Variants in PC observed in about 807,000 individuals in gnomAD.
PC encodes pyruvate carboxylase, mitochondrial.
In PC, 46 loss-of-function variants were observed where a neutral mutation model predicts 107.8. The observed-to-expected ratio is 0.43, with a 90% CI of 0.34 to 0.55. PC has a LOEUF of 0.55. Ranked by LOEUF, PC falls within the 20% of genes least tolerant of loss-of-function variation. The pLI, the probability that PC is intolerant of heterozygous loss-of-function variation, is 0.04. For missense variants in PC, 1,241 were observed against 1,643.1 expected, an observed-to-expected ratio of 0.76 and a Z score of 4.23; for synonymous variants, 662 against 684.7, an observed-to-expected ratio of 0.97 and a Z score of 0.52.
At chr11:66,873,734 T>C (rs1946873761) in intron 3 of PC, among the ~76,000 whole-genome samples, 1 of 149,982 alleles carries the variant, frequency 6.7e-6, no homozygotes, top group Non-Finnish European at 1.5e-5. Flanking sequence ...CACACTCTTT[T>C]CACCCCTGCA....
intron 11 of PC, among the ~76,000 whole-genome samples, chr11:66,864,385 G>C (rs1946405225): frequency 6.6e-6 from 1 of 152,238 alleles, no homozygotes; most frequent in South Asian, 2.1e-4. Flanking sequence ...AAAGGGCCTC[G>C]CCGTGGGCTC....
Position 66,849,271 on chromosome 11 carries a change from G to A in PC, c.3247C>T (p.Gln1083Ter). The A allele has an allele frequency of 6.2e-7, 1 of 1,613,636 alleles. No homozygotes were observed. Among genetic ancestry groups the A allele is most frequent in the Non-Finnish European group, 8.5e-7 (1 of 1,180,036 alleles). ...QRQVFFELNG[Q>*]LRSILVKDTQ... ...TCCTTGACCAAGATGGACCGCAGCT[G>A]CCCATTGAGCTCAAAGAAGACCTGC... Residue 1083 changes from glutamine (Q) to a stop codon, truncating the protein, a stop_gained, in exon 22 of 23, where the codon CAG becomes TAG. Coordinates refer to ENST00000393960, the MANE Select transcript of PC (RefSeq NM_001040716.2). LOFTEE classifies it high-confidence loss of function.
In PC at chr11:66,857,711, C is replaced by T. The variant is rs1487422029; in HGVS notation, c.1369-4328G>A. 1.9e-6 allele frequency: 3 copies of T among 1,565,684 alleles called. No individual in the cohort carries two copies. The African/African-American group carries it at 4.0e-5, about 21-fold the overall frequency. ...GCACCTGCGCCAGCCCCACCTGTGC[C>T]TGGGCTGTGGCCCCTTCCTACAGGG... On this transcript the variant is annotated intron_variant, in intron 12 of 22. Transcript: ENST00000393960. The surrounding 1 kb of genome is among the most constrained non-coding windows in gnomAD (Gnocchi z 7.1).
intron 3 of PC, among the ~76,000 whole-genome samples, chr11:66,913,674 AAAAAGAAAG>A (rs1213385816): frequency 1.3e-5 from 2 of 151,550 alleles, no homozygotes; most frequent in East Asian, 3.9e-4. Flanking sequence ...AAAAAAAAAA[AAAAAGAAAG>A]AAAGAAAGAA....
chr11:66,924,229 AAG>A (rs1220574276), intron 3 of PC, among the ~76,000 whole-genome samples: 1 of 150,934 alleles, frequency 6.6e-6, no homozygotes, highest in Non-Finnish European at 1.5e-5. Context: ...GAAAGAAAGA[AAG>A]AAAAGAAAGG....
intron 17 of PC, 24 bp downstream of exon 17, chr11:66,851,016 G>GGGACGGAC: frequency 6.2e-7 from 1 of 1,611,572 alleles, no homozygotes. Flanking sequence ...CAGAGAGGGA[G>GGGACGGAC]GGACGGACAA....
intron 2 of PC, among the ~76,000 whole-genome samples, 197 bp downstream of exon 2, chr11:66,954,052 C>G (rs1424486478): frequency 6.6e-6 from 1 of 152,136 alleles, no homozygotes; most frequent in Non-Finnish European, 1.5e-5. Context: ...AGAGCCCAGT[C>G]CAACTGAATA....
At chr11:66,861,220 C>T (rs1011939133) in intron 12 of PC, among the ~76,000 whole-genome samples, 13 of 152,184 alleles carry the variant, frequency 8.5e-5, no homozygotes, top group Non-Finnish European at 1.8e-4. Context: ...GGGCAGCCTC[C>T]GACCTGGCCC....
chr11:66,858,739 C>T lies in PC; in HGVS notation c.1368+5035G>A. ...AACTCCTCCCGAGCCCGGGCTTTCCCCAACGGGACCTTAGAGATTGGGGTG... is the reference window on the plus strand; with the variant it reads ...AACTCCTCCCGAGCCCGGGCTTTCCTCAACGGGACCTTAGAGATTGGGGTG... On this transcript the variant is annotated intron_variant, in intron 12 of 22. Coordinates refer to ENST00000393960, the MANE Select transcript of PC (RefSeq NM_001040716.2). This position sits in a 1 kb window ranked among gnomAD's most constrained non-coding sequence, Gnocchi z 5.9. 6.4e-7 allele frequency: 1 copy of T among 1,553,196 alleles called. No homozygotes were observed. Among genetic ancestry groups the T allele is most frequent in the Non-Finnish European group, 8.7e-7 (1 of 1,148,050 alleles).
intron 3 of PC, among the ~76,000 whole-genome samples, chr11:66,886,290 C>A (rs555449793): frequency 7.2e-5 from 11 of 152,146 alleles, no homozygotes; most frequent in Non-Finnish European, 1.3e-4. Flanking sequence ...AACAGCCTGG[C>A]GTGGCCCGCT....
At chr11:66,916,871 G>A (rs997183218) in intron 3 of PC, among the ~76,000 whole-genome samples, 30 of 151,910 alleles carry the variant, frequency 2.0e-4, no homozygotes, top group African/African-American at 6.5e-4. Context: ...GGAGAATGGC[G>A]TGAACCCGGG....
chr11:66,906,264 G>A (rs909754722), intron 3 of PC, among the ~76,000 whole-genome samples: 8 of 152,212 alleles, frequency 5.3e-5, no homozygotes, highest in South Asian at 2.1e-4. Context: ...AGGCACTGTC[G>A]GTCATCAGAG....
intron 3 of PC, among the ~76,000 whole-genome samples, chr11:66,903,059 C>G (rs1167116229): frequency 3.3e-5 from 5 of 152,164 alleles, no homozygotes; most frequent in African/African-American, 4.8e-5. Flanking sequence ...GGGGGGTGTT[C>G]ATCCGAATAT....
intron 3 of PC, among the ~76,000 whole-genome samples, chr11:66,946,490 C>CGGTGGCGG (rs1949296226): frequency 1.3e-5 from 2 of 151,604 alleles, no homozygotes; most frequent in Non-Finnish European, 2.9e-5. Flanking sequence ...TTAGCTGGGC[C>CGGTGGCGG]ACGCCTGTAA....
At chr11:66,903,773 AAT>A (rs1555039097) in intron 3 of PC, among the ~76,000 whole-genome samples, 651 of 62,578 alleles carry the variant, frequency 0.01, 17 homozygotes, top group Middle Eastern at 0.049. Context: ...AAAAAAAAAA[AAT>A]ATATATATAT....
chr11:66,906,989 C>T (rs2136061103), intron 3 of PC, among the ~76,000 whole-genome samples: 1 of 152,334 alleles, frequency 6.6e-6, no homozygotes, highest in Non-Finnish European at 1.5e-5. Flanking sequence ...GAAAGCCGGG[C>T]CTTTCTGTTC....
chr11:66,854,210 G>A (rs1165034069), intron 12 of PC, among the ~76,000 whole-genome samples: 4 of 152,140 alleles, frequency 2.6e-5, no homozygotes, highest in Admixed American at 1.3e-4. Flanking sequence ...ACCCTCCACC[G>A]CCTTCCTCAT....
intron 3 of PC, among the ~76,000 whole-genome samples, chr11:66,905,685 G>C (rs1027909378): frequency 6.6e-6 from 1 of 152,160 alleles, no homozygotes; most frequent in Non-Finnish European, 1.5e-5. Context: ...CACCAATAGA[G>C]AAATATAGAC....
rs576065909 is a variant in PC, at chr11:66,931,246, G to A, written c.-1+21184C>T. 3.9e-5 allele frequency among the ~76,000 whole-genome samples: 6 copies of A among 152,062 alleles called. No individual in the cohort carries two copies. The East Asian group carries it at 9.7e-4, about 25-fold the overall frequency. On this transcript the variant is annotated intron_variant, in intron 3 of 22. Transcript: ENST00000393960. ...ATACAAAAATTAGCCGGGCATGGTG[G>A]CACACACCTGTAGTCCCAGCTACTC...
Sources: allele counts gnomAD v4.1 joint callset (sites outside exome capture counted in the v4.1 genomes callset), GRCh38; gene constraint gnomAD v4.1.1; non-coding constraint Gnocchi (gnomAD v3.1); transcripts MANE v1.5; gene names NCBI Gene and HGNC (gene_info 2026-07-23, HGNC 2026-07-21).